NPC1: variants seen among roughly 807,000 people sequenced by gnomAD.
The protein encoded by NPC1 is Niemann-Pick C1 protein.
A neutral mutation model predicts 140.4 loss-of-function variants in NPC1; 85 were observed. The observed-to-expected ratio is 0.61, with a 90% CI of 0.51 to 0.72. The LOEUF is 0.72. NPC1 is among the 30% of genes least tolerant of loss of function. The probability of loss-of-function intolerance (pLI) is 0.00; values close to 1 mark genes in which losing one functional copy is unlikely to be tolerated. For synonymous variants in NPC1, 656 were observed against 624.8 expected (o/e 1.05, Z -0.74); for missense variants, 1,504 against 1,623.8 (o/e 0.93, Z 1.27).
intron 4 of NPC1, among the ~76,000 whole-genome samples, chr18:23,564,958 G>C (rs1226344207): frequency 6.6e-6 from 1 of 152,104 alleles, no homozygotes; most frequent in Non-Finnish European, 1.5e-5. Context: ...GAATGGCCCT[G>C]GCACCCTTGT....
intron 22 of NPC1, 35 bp from the exon 23 acceptor site, chr18:23,534,594 T>TC (rs2058597894): frequency 1.3e-6 from 2 of 1,556,476 alleles, no homozygotes; most frequent in Non-Finnish European, 1.8e-6. Flanking sequence ...ATGGCTCTCT[T>TC]CCTGTTGAAG....
intron 20 of NPC1, among the ~76,000 whole-genome samples, chr18:23,537,683 G>A (rs887843349): frequency 1.3e-5 from 2 of 152,184 alleles, no homozygotes; most frequent in Non-Finnish European, 2.9e-5. Context: ...TGGCACCCTG[G>A]AGGCTCCCCA....
intron 11 of NPC1, among the ~76,000 whole-genome samples, 200 bp from the exon 12 acceptor site, chr18:23,545,349 T>C (rs1033472303): frequency 6.6e-6 from 1 of 152,122 alleles, no homozygotes; most frequent in Non-Finnish European, 1.5e-5. Context: ...TTTGAGTGCT[T>C]CTCCTGCCCC....
intron 3 of NPC1, among the ~76,000 whole-genome samples, chr18:23,513,416 C>T (rs764797183): frequency 7.9e-5 from 12 of 152,220 alleles, no homozygotes; most frequent in Non-Finnish European, 1.5e-4. Context: ...TGAGCGTATA[C>T]ACCACATTTT....
chr18:23,541,783 T>C (rs1157434129), intron 14 of NPC1, among the ~76,000 whole-genome samples: 1 of 152,218 alleles, frequency 6.6e-6, no homozygotes, highest in Non-Finnish European at 1.5e-5. Flanking sequence ...CTGTAAGAAA[T>C]GGACAGTATT....
intron 22 of NPC1, 87 bp from the exon 23 acceptor site, chr18:23,534,646 C>T: frequency 9.9e-7 from 1 of 1,010,228 alleles, no homozygotes; most frequent in Non-Finnish European, 1.5e-6. Context: ...GTGCTAATTA[C>T]CCAGGGCACC....
downstream of NPC1, chr18:23,526,802 G>T (rs775349878): frequency 3.1e-6 from 5 of 1,608,350 alleles, no homozygotes; most frequent in South Asian, 5.5e-5. Flanking sequence ...TGATTCCAGT[G>T]TGAGGCCTGT....
Position 23,545,169 on chromosome 18 carries a change from T to C in NPC1, c.1758-20A>G. ...ATAAACCTAAAAGGTAAGCAAAATG[T>C]TATATTTTTAGTTAAACTAACTGAC... On this transcript the variant is annotated intron_variant, in intron 11 of 24. Coordinates refer to ENST00000269228, the MANE Select transcript of NPC1 (RefSeq NM_000271.5). 6.4e-7 allele frequency: 1 copy of C among 1,558,820 alleles called. No homozygotes were observed. The highest frequency in any genetic ancestry group is 2.2e-5 in the East Asian group (1 of 44,604).
intron 1 of NPC1, among the ~76,000 whole-genome samples, chr18:23,580,942 C>T (rs1028664664): frequency 3.9e-5 from 6 of 152,236 alleles, no homozygotes; most frequent in Admixed American, 1.3e-4. Context: ...CTGGCATGAA[C>T]GTATCTACAT....
At chr18:23,536,968 C>CT in intron 20 of NPC1, 92 bp from the exon 21 acceptor site, 2 of 1,007,680 alleles carry the variant, frequency 2.0e-6, no homozygotes, top group Non-Finnish European at 3.1e-6. Context: ...ATCACCTGAC[C>CT]CTGGACTCAG....
chr18:23,556,972 A>G, intron 7 of NPC1, 145 bp downstream of exon 7: 2 of 761,512 alleles, frequency 2.6e-6, no homozygotes, highest in African/African-American at 3.4e-5. Context: ...CCACAAAGGC[A>G]AGGACCATGT....
chr18:23,579,695 C>G (rs963778579), intron 1 of NPC1, among the ~76,000 whole-genome samples: 23 of 152,080 alleles, frequency 1.5e-4, no homozygotes, highest in Admixed American at 8.5e-4. Flanking sequence ...TCGAGACCAT[C>G]CTGCCTAACA....
At chr18:23,565,091 G>T (rs1434865508) in intron 4 of NPC1, among the ~76,000 whole-genome samples, 2 of 152,194 alleles carry the variant, frequency 1.3e-5, no homozygotes, top group African/African-American at 2.4e-5. Context: ...ACTGAGAAGT[G>T]TGAGTCTTCC....
chr18:23,520,605 G>A (rs1350364228), downstream of NPC1, among the ~76,000 whole-genome samples: 5 of 152,064 alleles, frequency 3.3e-5, no homozygotes, highest in Non-Finnish European at 7.4e-5. Context: ...GATTACAGGT[G>A]TGTGCCACCG....
intron 3 of NPC1, among the ~76,000 whole-genome samples, chr18:23,507,635 G>A (rs187367798): frequency 1.5e-3 from 230 of 152,310 alleles, no homozygotes; most frequent in Non-Finnish European, 2.6e-3. Context: ...AGAATCCTCT[G>A]TTAGTTTCTT....
chr18:23,518,951 G>A, downstream of NPC1: 1 of 1,614,202 alleles, frequency 6.2e-7, no homozygotes. Flanking sequence ...CAGCACAGGA[G>A]CGGAGGTGGT....
rs753473111 is a variant in NPC1 at position 23,541,429 on chromosome 18, T to C, written c.2250A>G (p.Ala750=). ...TGTGCACGGCTGGCATCACGGACAA[T>C]GCTCCTGTCGGGGAGAGAAGGGCTC... ...FSETVAFFLG[A]LSVMPAVHTF... is the part of the protein sequence containing the mutation. The change falls in exon 15 of 25, where the codon GCA becomes GCG. Residue 750 remains alanine (A), a synonymous_variant. Transcript: ENST00000269228. 6.2e-7 allele frequency: 1 copy of C among 1,614,170 alleles called. No homozygotes were observed. Among genetic ancestry groups the C allele is most frequent in the Non-Finnish European group, 8.5e-7 (1 of 1,180,022 alleles).
intron 3 of NPC1, chr18:23,507,122 A>T (rs2057735587): frequency 8.9e-7 from 1 of 1,118,438 alleles, no homozygotes; most frequent in African/African-American, 1.6e-5. Flanking sequence ...AAGGAATCGC[A>T]AATTTTCAGT....
chr18:23,564,926 TGAA>T (rs1180427629), intron 4 of NPC1, among the ~76,000 whole-genome samples: 2 of 152,258 alleles, frequency 1.3e-5, no homozygotes, highest in Non-Finnish European at 2.9e-5. Context: ...CACCATTTGA[TGAA>T]GAGTATTCTT....
Sources: allele counts gnomAD v4.1 joint callset (sites outside exome capture counted in the v4.1 genomes callset), GRCh38; gene constraint gnomAD v4.1.1; transcripts MANE v1.5; gene names NCBI Gene and HGNC (gene_info 2026-07-23, HGNC 2026-07-21).